The following ABCB11 variants were observed in gnomAD, a reference collection of about 807,000 sequenced individuals.
ABCB11 encodes ATP binding cassette subfamily B member 11, also known as bile salt export pump.
In ABCB11, 95 loss-of-function variants were observed where a neutral mutation model predicts 148.0. The observed-to-expected ratio is 0.64, with a 90% CI of 0.54 to 0.76. The LOEUF is 0.76. ABCB11 is among the 30% of genes least tolerant of loss of function. The pLI is 0.00. For synonymous variants in ABCB11, 591 were observed against 555.4 expected (o/e 1.06, Z -0.90); for missense variants, 1,523 against 1,617.8 (o/e 0.94, Z 1.01).
At position 168,923,544 on chromosome 2, in the gene ABCB11, C is replaced by T. The variant is rs3770571; in HGVS notation, c.*78G>A. 63 of 1,314,382 alleles carry T rather than the reference C, an allele frequency of 4.8e-5. No homozygotes were observed. In the East Asian group the frequency reaches 1.3e-3, roughly 27 times the overall value. The allele number at this position is 1,314,382 out of a possible 1,614,324, so 81.4% of individuals were successfully genotyped here. A position where few individuals can be genotyped will look rare whatever the true frequency, so the allele number is the denominator to read the frequency against. ...AGAAAAAACAATCCCAGCAATCCCT[C>T]CTGCTGGGATTGTTTTTTTCTTTAA... On this transcript the variant is annotated 3_prime_UTR_variant, in exon 28 of 28. Coordinates refer to ENST00000650372, the MANE Select transcript of ABCB11 (RefSeq NM_003742.4).
chr2:168,940,310 G>A (rs1692003820), intron 21 of ABCB11, among the ~76,000 whole-genome samples: 1 of 152,010 alleles, frequency 6.6e-6, no homozygotes, highest in South Asian at 2.1e-4. Context: ...AGTTCTTGAA[G>A]GAAATTAAAA....
chr2:168,975,178 T>A (rs1331115038), intron 12 of ABCB11, among the ~76,000 whole-genome samples: 1 of 65,840 alleles, frequency 1.5e-5, no homozygotes, highest in Non-Finnish European at 2.8e-5. Flanking sequence ...TTATATTTAT[T>A]TATAGATAAA....
intron 5 of ABCB11, among the ~76,000 whole-genome samples, chr2:168,997,148 A>C (rs1259230950): frequency 6.6e-6 from 1 of 152,088 alleles, no homozygotes; most frequent in Non-Finnish European, 1.5e-5. Flanking sequence ...AAAGCCAGAC[A>C]GGCTGTCTGA....
rs2105958395 is a variant in ABCB11, at chr2:168,969,547, T to G, written c.1814A>C (p.Gln605Pro). ...AMVQEVLSKI[Q>P]HGHTIISVAH... Reference sequence around the variant, plus strand: ...AACTGAAATGATTGTGTGCCCATGCTGAATCTGTAAGAATGTACAGTGCAC... The same window carrying G: ...AACTGAAATGATTGTGTGCCCATGCGGAATCTGTAAGAATGTACAGTGCAC... Residue 605 changes from glutamine (Q) to proline (P), a missense_variant, in exon 16 of 28, where the codon CAG (glutamine) becomes CCG (proline). Gln to Pro is a moderately conservative substitution (Grantham distance 76). Transcript: ENST00000650372. 5.6e-6 allele frequency: 9 copies of G among 1,611,980 alleles called. No individual in the cohort carries two copies. The highest frequency in any genetic ancestry group is 1.7e-4 in the Middle Eastern group (1 of 6,048).
At chr2:169,001,479 A>C (rs1694868693) in intron 5 of ABCB11, among the ~76,000 whole-genome samples, 1 of 152,070 alleles carries the variant, frequency 6.6e-6, no homozygotes, top group South Asian at 2.1e-4. Context: ...GTAAGGGGAG[A>C]GGTGCCTTAC....
Position 168,957,986 on chromosome 2 carries a change from A to T in ABCB11, c.2321T>A (p.Phe774Tyr), listed in dbSNP as rs1307329774. The T allele has an allele frequency of 6.3e-7, 1 of 1,586,422 alleles. No homozygotes were observed. Among genetic ancestry groups the T allele is most frequent in the Admixed American group, 1.7e-5 (1 of 59,356 alleles). The change falls in exon 19 of 28, where the codon TTT becomes TAT. Residue 774 changes from phenylalanine (F) to tyrosine (Y), a missense_variant. By Grantham distance (22) the Phe-to-Tyr change is conservative (BLOSUM62 3). Transcript: ENST00000650372. ...TACCCCAAGAATCTGGCTGAATAAA[A>T]AGGCATACAAGGGTGTGACTGTCCC... ...VNGTVTPLYAFLFSQILGTFS... is the reference protein window; with the variant it reads ...VNGTVTPLYAYLFSQILGTFS...
chr2:168,927,408 G>A (rs930413704), intron 25 of ABCB11, 46 bp from the exon 26 acceptor site: 3 of 1,514,312 alleles, frequency 2.0e-6, no homozygotes, highest in Non-Finnish European at 2.7e-6. Flanking sequence ...TAGAATTCCA[G>A]CAGTGAGGAA....
Position 168,921,844 on chromosome 2 carries a change from C to A in ABCB11, c.*1778G>T, listed in dbSNP as rs1443512606. Among the ~76,000 whole-genome samples, 1 of 100,488 alleles carries A rather than the reference C, an allele frequency of 1.0e-5. No individual in the cohort carries two copies. The highest frequency in any genetic ancestry group is 3.3e-5 in the African/African-American group (1 of 30,738). 65.9% of individuals were successfully genotyped at this position (100,488 alleles called of 152,430 possible). A position where few individuals can be genotyped will look rare whatever the true frequency, so the allele number is the denominator to read the frequency against. ...GGATTCCAAGGACGGAGTCCTTGAC[C>A]TCTTTTCTTTTTCTTTTTCTTTTTT... is the stretch of plus-strand genomic sequence containing the variant. On this transcript the variant is annotated 3_prime_UTR_variant, in exon 28 of 28. Transcript: ENST00000650372.
intron 18 of ABCB11, among the ~76,000 whole-genome samples, chr2:168,963,646 T>G (rs1354743850): frequency 6.6e-6 from 1 of 151,822 alleles, no homozygotes; most frequent in Non-Finnish European, 1.5e-5. Flanking sequence ...TTGATAGTAT[T>G]ATTTTAAATG....
intron 17 of ABCB11, among the ~76,000 whole-genome samples, chr2:168,967,809 T>C (rs1386701999): frequency 6.6e-6 from 1 of 151,960 alleles, no homozygotes; most frequent in Non-Finnish European, 1.5e-5. Flanking sequence ...TAAACCAGGA[T>C]GAAAGACTAA....
At chr2:168,994,529 G>C (rs555050058) in intron 7 of ABCB11, among the ~76,000 whole-genome samples, 2 of 152,068 alleles carry the variant, frequency 1.3e-5, no homozygotes, top group South Asian at 4.1e-4. Flanking sequence ...ACCCCAATGG[G>C]TAATAATGAG....
intron 27 of ABCB11, among the ~76,000 whole-genome samples, chr2:168,924,312 G>T: frequency 1.3e-5 from 2 of 152,052 alleles, no homozygotes; most frequent in Non-Finnish European, 1.5e-5. Context: ...TGTTGCATGT[G>T]GCCTACCTTC....
intron 20 of ABCB11, 21 bp from the exon 21 acceptor site, chr2:168,944,787 T>C (rs752606585): frequency 6.2e-6 from 10 of 1,610,754 alleles, no homozygotes; most frequent in Admixed American, 1.7e-5. Context: ...AAGAGGGAGA[T>C]GTTAGAGAAA....
chr2:168,996,506 T>TG, intron 6 of ABCB11, 129 bp downstream of exon 6: 1 of 453,442 alleles, frequency 2.2e-6, no homozygotes, highest in South Asian at 6.6e-5. Context: ...CATTCTCTCA[T>TG]GTCCTCTGGA....
At chr2:168,934,356 T>G (rs1377736145) in intron 23 of ABCB11, among the ~76,000 whole-genome samples, 7 of 152,106 alleles carry the variant, frequency 4.6e-5, no homozygotes, top group Admixed American at 2.6e-4. Flanking sequence ...CTTTTCCTAA[T>G]GCCCTCCAAA....
Position 168,923,388 on chromosome 2 carries a change from T to C in ABCB11, c.*234A>G. On this transcript the variant is annotated 3_prime_UTR_variant, in exon 28 of 28. Coordinates refer to ENST00000650372, the MANE Select transcript of ABCB11 (RefSeq NM_003742.4). Reference sequence around the variant, plus strand: ...ACTTGACATTGGGTTTTCCCTCATATGGACCCTAGTTTCTTTCATTTTCTG... The same window carrying C: ...ACTTGACATTGGGTTTTCCCTCATACGGACCCTAGTTTCTTTCATTTTCTG... The C allele has an allele frequency of 3.4e-6, 2 of 580,100 alleles. No individual in the cohort carries two copies. The highest frequency in any genetic ancestry group is 4.4e-5 in the South Asian group (2 of 45,394). 35.9% of individuals were successfully genotyped at this position (580,100 alleles called of 1,614,324 possible). A position where few individuals can be genotyped will look rare whatever the true frequency, so the allele number is the denominator to read the frequency against.
intron 12 of ABCB11, among the ~76,000 whole-genome samples, chr2:168,974,867 T>A (rs900749047): frequency 8.2e-4 from 124 of 151,050 alleles, no homozygotes; most frequent in African/African-American, 2.8e-3. Flanking sequence ...ACATTTGATG[T>A]TTAGGTACAT....
intron 19 of ABCB11, among the ~76,000 whole-genome samples, chr2:168,957,558 A>G (rs1401367274): frequency 2.6e-5 from 4 of 151,662 alleles, no homozygotes; most frequent in Non-Finnish European, 5.9e-5. Flanking sequence ...TCAAACACTA[A>G]CACCTGCTAT....
chr2:169,005,610 T>C (rs1172441418), intron 5 of ABCB11, among the ~76,000 whole-genome samples: 1 of 151,938 alleles, frequency 6.6e-6, no homozygotes, highest in Non-Finnish European at 1.5e-5. Context: ...GGCTGAAAAT[T>C]TGCCCCAGAC....
Sources: gnomAD v4.1 joint callset for allele counts (sites outside exome capture counted in the v4.1 genomes callset) on GRCh38, gnomAD v4.1.1 for gene constraint, MANE v1.5 for transcripts, NCBI Gene and HGNC (gene_info 2026-07-23, HGNC 2026-07-21) for gene names.